Variants in MYBPC2 observed in about 807,000 individuals in gnomAD.
MYBPC2 encodes the protein myosin-binding protein C, fast-type.
A neutral mutation model predicts 137.0 loss-of-function variants in MYBPC2; 122 were observed. The observed-to-expected ratio is 0.89, with a 90% confidence interval of 0.77 to 1.03. The LOEUF (loss-of-function observed/expected upper bound fraction) is 1.03, where lower values mean the gene tolerates loss of function less well. MYBPC2 is among the 50% of genes least tolerant of loss of function. MYBPC2 has a pLI of 0.00. For synonymous variants in MYBPC2, 626 were observed against 612.3 expected, an observed-to-expected ratio of 1.02 and a Z score of -0.33; for missense variants, 1,500 against 1,534.4, an observed-to-expected ratio of 0.98 and a Z score of 0.37.
In MYBPC2 at chr19:50,454,114, G is replaced by T; in HGVS notation, c.1844G>T (p.Arg615Leu). Residue 615 changes from arginine to leucine, a missense_variant, in exon 17 of 28, where the codon CGC becomes CTC. Coordinates refer to ENST00000357701, the MANE Select transcript of MYBPC2 (RefSeq NM_004533.4). ...AGTGCGCAGCGGGAAGACGAGGGCC[G>T]CTACACCATCAAGGTCACCAACCCC... ...IESAQREDEG[R>L]YTIKVTNPVG... The T allele has an allele frequency of 6.2e-7, 1 of 1,612,820 alleles. No individual in the cohort carries two copies. The highest frequency in any genetic ancestry group is 8.5e-7 in the Non-Finnish European group (1 of 1,179,428).
At chr19:50,446,512 T>G (rs952719286) in intron 12 of MYBPC2, among the ~76,000 whole-genome samples, 48 of 126,030 alleles carry the variant, frequency 3.8e-4, no homozygotes, top group African/African-American at 1.4e-3. Context: ...GACTCTGTCT[T>G]AAAACAAAAA....
At chr19:50,436,820 C>A in intron 5 of MYBPC2, 86 bp downstream of exon 5, 1 of 1,260,186 alleles carries the variant, frequency 7.9e-7, no homozygotes, top group Non-Finnish European at 1.1e-6. Flanking sequence ...GGAGAGTGCA[C>A]AGGCATGGGC....
At chr19:50,458,845 G>C in intron 21 of MYBPC2, 73 bp from the exon 22 acceptor site, 1 of 1,595,410 alleles carries the variant, frequency 6.3e-7, no homozygotes, top group East Asian at 2.3e-5. Context: ...TCCCCAGAGA[G>C]CCTTATCACC....
At chr19:50,463,568 G>T (rs1403967019) in intron 26 of MYBPC2, among the ~76,000 whole-genome samples, 2 of 152,108 alleles carry the variant, frequency 1.3e-5, no homozygotes, top group Non-Finnish European at 2.9e-5. Context: ...TCAATGACCT[G>T]GGTGATTCGA....
At chr19:50,434,899 G>A (rs1477128745) in intron 1 of MYBPC2, among the ~76,000 whole-genome samples, 1 of 152,148 alleles carries the variant, frequency 6.6e-6, no homozygotes, top group African/African-American at 2.4e-5. Flanking sequence ...ATGGGGCAGG[G>A]CCTGCTGGGG....
intron 12 of MYBPC2, 129 bp downstream of exon 12, chr19:50,446,181 C>A: frequency 8.7e-7 from 1 of 1,149,794 alleles, no homozygotes; most frequent in Non-Finnish European, 1.2e-6. Context: ...TATGTTCAGC[C>A]CACCAGGGAG....
intron 1 of MYBPC2, among the ~76,000 whole-genome samples, chr19:50,434,112 C>T (rs2039681423): frequency 6.6e-6 from 1 of 151,828 alleles, no homozygotes; most frequent in Non-Finnish European, 1.5e-5. Context: ...AGTCCCAGCA[C>T]CTTGGGAGGC....
At chr19:50,451,750 GATCC>G in intron 15 of MYBPC2, 110 bp from the exon 16 acceptor site, 1 of 1,448,520 alleles carries the variant, frequency 6.9e-7, no homozygotes, top group Non-Finnish European at 9.3e-7. Context: ...TCAGGACATG[GATCC>G]CTGTGTCTCT....
Position 50,435,659 on chromosome 19 carries a change from G to A in MYBPC2, c.110-117G>A. The A allele has an allele frequency of 1.2e-6, 1 of 845,538 alleles. No individual in the cohort carries two copies. 52.4% of individuals were successfully genotyped at this position (845,538 alleles called of 1,614,324 possible). A position where few individuals can be genotyped will look rare whatever the true frequency, so the allele number is the denominator to read the frequency against. ...GGAAAAGCCATTTAACCCCCATGATGTTTGGTTTCTGAGTAGAGGGGCCCT... is the reference window on the plus strand; with the variant it reads ...GGAAAAGCCATTTAACCCCCATGATATTTGGTTTCTGAGTAGAGGGGCCCT... On this transcript the variant is annotated intron_variant, in intron 2 of 27. Coordinates refer to ENST00000357701, the MANE Select transcript of MYBPC2 (RefSeq NM_004533.4). This position sits in a 1 kb window ranked among gnomAD's most constrained non-coding sequence, Gnocchi z 4.8.
intron 1 of MYBPC2, 70 bp downstream of exon 1, chr19:50,433,042 C>T: frequency 6.7e-7 from 1 of 1,500,662 alleles, no homozygotes; most frequent in Non-Finnish European, 8.9e-7. Context: ...TGGGACCCCT[C>T]TGTTTGTAGG....
intron 11 of MYBPC2, among the ~76,000 whole-genome samples, chr19:50,445,453 C>T (rs899916549): frequency 1.3e-5 from 2 of 149,772 alleles, no homozygotes; most frequent in African/African-American, 4.9e-5. Context: ...AGTGCAATTG[C>T]GTGATCTTGG....
At chr19:50,443,453 G>A in intron 9 of MYBPC2, 41 bp from the exon 10 acceptor site, 3 of 1,601,962 alleles carry the variant, frequency 1.9e-6, no homozygotes, top group Non-Finnish European at 1.7e-6. Context: ...GGGATAGGTG[G>A]ATGCTCCACG....
At chr19:50,450,959 C>A in intron 14 of MYBPC2, 24 bp downstream of exon 14, 2 of 1,547,072 alleles carry the variant, frequency 1.3e-6, no homozygotes, top group South Asian at 2.4e-5. Context: ...TTCCTCCTTC[C>A]CTGGGGGCTG....
At position 50,460,167 on chromosome 19, in the gene MYBPC2, C is replaced by CA. The variant is rs757263482; in HGVS notation, c.2926dup (p.Thr976AsnfsTer9). On this transcript the variant is annotated frameshift_variant, in exon 24 of 28. Transcript: ENST00000357701. LOFTEE classifies it high-confidence loss of function. ...TGGGGTATTTCGTCCAGAAAGCAGA[C>CA]AAAAAAACCATGGTGAGAGAGCAGA... 19 of 1,599,450 alleles carry CA rather than the reference C, an allele frequency of 1.2e-5. No individual in the cohort carries two copies. The highest frequency in any genetic ancestry group is 3.5e-5 in the Admixed American group (2 of 57,356).
At chr19:50,453,613 T>C (rs556019544) in intron 16 of MYBPC2, among the ~76,000 whole-genome samples, 11 of 152,154 alleles carry the variant, frequency 7.2e-5, no homozygotes, top group African/African-American at 2.7e-4. Context: ...TTATCTTGGC[T>C]CACCACAACC....
rs1343038609 is a variant in MYBPC2, at chr19:50,459,240, G to A, written c.2725G>A (p.Glu909Lys). 3.7e-6 allele frequency: 6 copies of A among 1,611,562 alleles called. No individual in the cohort carries two copies. Among genetic ancestry groups the A allele is most frequent in the South Asian group, 1.1e-5 (1 of 91,016 alleles). ...CCAGGCGGCCCGCTCCGACTCCGGG[G>A]AGTACGAGCTGAGCGTGCAGATCGA... The part of the protein sequence containing the change: ...VRQAARSDSG[E>K]YELSVQIENM... The change falls in exon 23 of 28, where the codon GAG (glutamate) becomes AAG (lysine). Residue 909 changes from glutamate (E) to lysine (K), a missense_variant. By Grantham distance (56) the Glu-to-Lys change is moderately conservative. Coordinates refer to ENST00000357701, the MANE Select transcript of MYBPC2 (RefSeq NM_004533.4).
chr19:50,443,119 C>G (rs115362553), intron 9 of MYBPC2, among the ~76,000 whole-genome samples: 2,108 of 151,872 alleles, frequency 0.014, 45 homozygotes, highest in African/African-American at 0.049. Flanking sequence ...TAGCGAGATC[C>G]CATCTCTACA....
chr19:50,451,902 T>C lies in MYBPC2; in HGVS notation c.1648T>C (p.Ser550Pro), dbSNP rs2039862034. Residue 550 changes from serine (S) to proline (P), a missense_variant, in exon 16 of 28, where the codon TCA becomes CCA. Ser to Pro is a moderately conservative substitution (Grantham distance 74). Coordinates refer to ENST00000357701, the MANE Select transcript of MYBPC2 (RefSeq NM_004533.4). ...KIHLDCSGKTSENAIVVVAGN... is the reference protein window; with the variant it reads ...KIHLDCSGKTPENAIVVVAGN... ...CCACTTGGATTGCTCGGGGAAGACC[T>C]CAGAGAATGCGATTGTGGTTGTGGC... 1.9e-6 allele frequency: 3 copies of C among 1,589,050 alleles called. No individual in the cohort carries two copies. Among genetic ancestry groups the C allele is most frequent in the Non-Finnish European group, 2.6e-6 (3 of 1,167,182 alleles).
intron 16 of MYBPC2, among the ~76,000 whole-genome samples, chr19:50,452,456 CTATG>C (rs975993441): frequency 1.0e-4 from 15 of 148,884 alleles, no homozygotes; most frequent in African/African-American, 2.5e-4. Context: ...GTCTATCTAT[CTATG>C]TATCTGTGTA....
Sources: gnomAD v4.1 joint callset for allele counts (sites outside exome capture counted in the v4.1 genomes callset) on GRCh38, gnomAD v4.1.1 for gene constraint, Gnocchi (gnomAD v3.1) non-coding constraint, MANE v1.5 for transcripts, NCBI Gene and HGNC (gene_info 2026-07-23, HGNC 2026-07-21) for gene names.